Variants in DVL1 observed in about 807,000 individuals in gnomAD.
DVL1 encodes segment polarity protein dishevelled homolog DVL-1.
Under a neutral mutation model 65.0 loss-of-function variants are expected in DVL1, and 49 were observed. That is an observed-to-expected ratio of 0.75 (90% CI 0.60 to 0.96). The LOEUF (loss-of-function observed/expected upper bound fraction) is 0.96. DVL1 is among the 40% of genes least tolerant of loss of function. The pLI is 0.00. For missense variants in DVL1, 1,197 were observed against 1,045.4 expected (o/e 1.15, Z -2.00); for synonymous variants, 608 against 433.9 (o/e 1.40, Z -4.99).
rs772052316 is a variant in DVL1, at chr1:1,349,081, CGGAGCCCGCGCGCTCA to C, written c.-32_-17del. On this transcript the variant is annotated 5_prime_UTR_variant, in exon 1 of 15. Transcript: ENST00000378888. The surrounding 1 kb of genome is among the most constrained non-coding windows in gnomAD (Gnocchi z 4.1). ...TCTCCGCCATGGCGCGGCGGCGGCG[CGGAGCCCGCGCGCTCA>C]GGGCCCGGCCCGGGGCTCGGACGCG... The C allele has an allele frequency of 2.1e-6, 3 of 1,441,568 alleles. No individual in the cohort carries two copies. In the East Asian group the frequency reaches 1.1e-4, roughly 51 times the overall value. The allele number at this position is 1,441,568 out of a possible 1,614,324, so 89.3% of individuals were successfully genotyped here.
At chr1:1,347,418 A>T (rs1416651091) in intron 1 of DVL1, among the ~76,000 whole-genome samples, 1 of 152,298 alleles carries the variant, frequency 6.6e-6, no homozygotes, top group South Asian at 2.1e-4. Context: ...CTAGGGCAAC[A>T]GTCAGGCTGT....
intron 11 of DVL1, among the ~76,000 whole-genome samples, chr1:1,338,919 AC>A (rs1643685184): frequency 6.6e-6 from 1 of 152,204 alleles, no homozygotes; most frequent in Non-Finnish European, 1.5e-5. Context: ...CACCCTGCAG[AC>A]CAGGAAGTAA....
Position 1,349,060 on chromosome 1 carries a change from C to T in DVL1, c.6G>A (p.Ala2=). 6.7e-7 allele frequency: 1 copy of T among 1,498,266 alleles called. No individual in the cohort carries two copies. The highest frequency in any genetic ancestry group is 8.9e-7 in the Non-Finnish European group (1 of 1,117,458). 92.8% of individuals were successfully genotyped at this position (1,498,266 alleles called of 1,614,324 possible). M[A]ETKIIYHMDE... The stretch of plus-strand genomic sequence containing the variant: ...CCATGTGGTAGATAATCTTGGTCTC[C>T]GCCATGGCGCGGCGGCGGCGCGGAG... The change falls in exon 1 of 15, where the codon GCG becomes GCA. Residue 2 remains alanine (A), a synonymous_variant. Transcript: ENST00000378888. This position sits in a 1 kb window ranked among gnomAD's most constrained non-coding sequence, Gnocchi z 4.1.
chr1:1,339,523 T>C, intron 10 of DVL1, 59 bp downstream of exon 10: 1 of 1,556,616 alleles, frequency 6.4e-7, no homozygotes, highest in Non-Finnish European at 8.7e-7. Flanking sequence ...GAGAGAGGCC[T>C]TCAGGCTAGG....
chr1:1,348,098 G>C (rs1643946796), intron 1 of DVL1, among the ~76,000 whole-genome samples: 1 of 152,218 alleles, frequency 6.6e-6, no homozygotes, highest in Non-Finnish European at 1.5e-5. Flanking sequence ...TGTTGAGCTG[G>C]GACTAGGGAC....
At position 1,348,943 on chromosome 1, in the gene DVL1, G is replaced by T. The variant is rs202240133; in HGVS notation, c.123C>A (p.Pro41=). The T allele has an allele frequency of 2.3e-5, 36 of 1,574,222 alleles. No individual in the cohort carries two copies. In the East Asian group the frequency reaches 8.5e-4, roughly 37 times the overall value. The change falls in exon 1 of 15, where the codon CCC becomes CCA. Residue 41 remains proline (P), a synonymous_variant. Transcript: ENST00000378888. ...ADFKNVLSNR[P]VHAYKFFFKS... ...TAAAGAAGAATTTGTAGGCGTGCAC[G>T]GGCCGGTTGCTGAGCACGTTCTTGA...
Position 1,349,196 on chromosome 1 carries a change from G to A in DVL1, c.-131C>T, listed in dbSNP as rs1358129777. On this transcript the variant is annotated 5_prime_UTR_variant, in exon 1 of 15. Transcript: ENST00000378888. This position sits in a 1 kb window ranked among gnomAD's most constrained non-coding sequence, Gnocchi z 4.1. ...TCGGCCCCGACGCTCCGAGGCCCCC[G>A]GGCGCCCCCGCCCGACCGCCCAGGC... 1.5e-5 allele frequency: 7 copies of A among 480,620 alleles called. No individual in the cohort carries two copies. In the South Asian group the frequency reaches 5.1e-4, roughly 35 times the overall value. 29.8% of individuals were successfully genotyped at this position (480,620 alleles called of 1,614,324 possible).
chr1:1,344,129 G>A (rs1643885106), intron 1 of DVL1, among the ~76,000 whole-genome samples: 2 of 152,194 alleles, frequency 1.3e-5, no homozygotes, highest in Non-Finnish European at 1.5e-5. Flanking sequence ...CACTCACACT[G>A]TGACCTCTGA....
At position 1,342,115 on chromosome 1, in the gene DVL1, G is replaced by A; in HGVS notation, c.404C>T (p.Thr135Ile). 2 of 1,593,094 alleles carry A rather than the reference G, an allele frequency of 1.3e-6. No homozygotes were observed. The highest frequency in any genetic ancestry group is 2.3e-5 in the East Asian group (1 of 43,980). The change falls in exon 4 of 15, where the codon ACA (threonine) becomes ATA (isoleucine). Residue 135 changes from threonine to isoleucine, a missense_variant. By Grantham distance (89) the Thr-to-Ile change is moderately conservative (BLOSUM62 -1). Coordinates refer to ENST00000378888, the MANE Select transcript of DVL1 (RefSeq NM_001330311.2). ...ASSRDGMDNE[T>I]GTESMVSHRR... ...GTGACTGACCATGGACTCCGTGCCT[G>A]TCTCGTTGTCCATCCCGTCACGGCT...
chr1:1,343,257 G>GC (rs55773120), intron 1 of DVL1, among the ~76,000 whole-genome samples: 10 of 142,342 alleles, frequency 7.0e-5, no homozygotes, highest in East Asian at 2.2e-4. Flanking sequence ...GGGGCTTGGA[G>GC]CCCCCCCCCC....
At chr1:1,343,645 G>A (rs307360) in intron 1 of DVL1, among the ~76,000 whole-genome samples, 3 of 152,182 alleles carry the variant, frequency 2.0e-5, no homozygotes, top group Non-Finnish European at 4.4e-5. Flanking sequence ...TGAGGGCAGG[G>A]CTTTGCCTGA....
At position 1,336,122 on chromosome 1, in the gene DVL1, G is replaced by A. The variant is rs1643561350; in HGVS notation, c.*20C>T. The A allele has an allele frequency of 6.4e-7, 1 of 1,568,204 alleles. No individual in the cohort carries two copies. Among genetic ancestry groups the A allele is most frequent in the Non-Finnish European group, 8.6e-7 (1 of 1,164,036 alleles). Reference sequence around the variant, plus strand: ...CCGCCAGCTCCCCACCTCAGGCAGGGCTGGGGCATGCGCCACGAGTCACAT... The same window carrying A: ...CCGCCAGCTCCCCACCTCAGGCAGGACTGGGGCATGCGCCACGAGTCACAT... On this transcript the variant is annotated 3_prime_UTR_variant, in exon 15 of 15. Transcript: ENST00000378888.
chr1:1,340,913 G>A (rs567580657), intron 5 of DVL1, among the ~76,000 whole-genome samples: 55 of 128,042 alleles, frequency 4.3e-4, no homozygotes, highest in Admixed American at 8.2e-4. Context: ...ATGAACACAC[G>A]CACACCTGCA....
chr1:1,340,378 C>T, intron 6 of DVL1, 32 bp downstream of exon 6: 2 of 1,612,574 alleles, frequency 1.2e-6, no homozygotes, highest in Non-Finnish European at 1.7e-6. Flanking sequence ...CTTCGCCTCC[C>T]CAGCCCCGCC....
At chr1:1,344,098 G>A (rs1248649605) in intron 1 of DVL1, among the ~76,000 whole-genome samples, 2 of 152,166 alleles carry the variant, frequency 1.3e-5, no homozygotes, top group Non-Finnish European at 2.9e-5. Flanking sequence ...CAAGGAGCAA[G>A]GCAGGCAGGG....
chr1:1,338,726 G>A (rs1028056775), intron 11 of DVL1, 73 bp from the exon 12 acceptor site: 1 of 1,544,314 alleles, frequency 6.5e-7, no homozygotes, highest in East Asian at 2.3e-5. Context: ...GCACCCCCAG[G>A]GGAGCCTCTG....
At chr1:1,342,656 G>T in intron 2 of DVL1, 33 bp downstream of exon 2, 1 of 1,610,480 alleles carries the variant, frequency 6.2e-7, no homozygotes. Context: ...TGCTCCCCAG[G>T]CGAGCCTTCG....
In DVL1 at chr1:1,339,310, G is replaced by A. The variant is rs553052517; in HGVS notation, c.1184C>T (p.Thr395Ile). The A allele has an allele frequency of 1.9e-6, 3 of 1,548,484 alleles. No homozygotes were observed. The highest frequency in any genetic ancestry group is 1.2e-5 in the South Asian group (1 of 83,982). ...ACGTGGAGCACCAGGCACGGAGCTG[G>A]TTAGTGAGGAGGAGCTGGTGCGCGT... ...AVTRTSSSSL[T>I]SSVPGAPQLE... Residue 395 changes from threonine to isoleucine, a missense_variant, in exon 11 of 15, where the codon ACC becomes ATC. Transcript: ENST00000378888.
chr1:1,345,579 G>A lies in DVL1; in HGVS notation c.171-2821C>T, dbSNP rs182416603. ...TGCCGGCACTGTGCCCCCACCTTGG[G>A]ATTCCCTGTGAGGCCTGGCTAACCT... On this transcript the variant is annotated intron_variant, in intron 1 of 14. Transcript: ENST00000378888. Among the ~76,000 whole-genome samples the A allele has an allele frequency of 9.5e-4, 145 of 152,272 alleles. 1 individual carries two copies. Among genetic ancestry groups the A allele is most frequent in the Middle Eastern group, 3.4e-3 (1 of 294 alleles).
Sources: gnomAD v4.1 joint callset for allele counts (sites outside exome capture counted in the v4.1 genomes callset) on GRCh38, gnomAD v4.1.1 for gene constraint, Gnocchi (gnomAD v3.1) non-coding constraint, MANE v1.5 for transcripts, NCBI Gene and HGNC (gene_info 2026-07-23, HGNC 2026-07-21) for gene names.